The following GALNT14 variants were observed in gnomAD, a reference collection of about 807,000 sequenced individuals.
GALNT14 encodes the protein UDP-GalNAc:polypeptide N-acetylgalactosaminyltransferase 14.
In GALNT14, 60 loss-of-function variants were observed where a neutral mutation model predicts 77.5. The observed-to-expected ratio is 0.77, with a 90% CI of 0.63 to 0.96. The LOEUF is 0.96. Among genes scored for constraint, GALNT14 ranks in the 40% least tolerant of loss-of-function variants. The probability of loss-of-function intolerance (pLI) is 0.00; values close to 1 mark genes in which losing one functional copy is unlikely to be tolerated. For missense variants in GALNT14, 710 were observed against 731.0 expected (o/e 0.97, Z 0.33); for synonymous variants, 280 against 281.7 (o/e 0.99, Z 0.06).
intron 1 of GALNT14, among the ~76,000 whole-genome samples, chr2:31,117,119 T>G (rs1158310025): frequency 6.6e-6 from 1 of 152,142 alleles, no homozygotes; most frequent in Non-Finnish European, 1.5e-5. Flanking sequence ...GATTATGTAA[T>G]TGGCCATTAA....
At chr2:30,913,556 G>A (rs1251180759) in intron 13 of GALNT14, among the ~76,000 whole-genome samples, 2 of 152,120 alleles carry the variant, frequency 1.3e-5, no homozygotes, top group African/African-American at 4.8e-5. Flanking sequence ...TGTTTTCTGG[G>A]ACCTGGGTGG....
chr2:30,928,724 C>T (rs1665538895), intron 11 of GALNT14, among the ~76,000 whole-genome samples: 1 of 152,160 alleles, frequency 6.6e-6, no homozygotes, highest in Non-Finnish European at 1.5e-5. Context: ...TCAAGCGATT[C>T]TCCTGCCTCA....
chr2:30,972,088 T>G (rs1286744447), intron 2 of GALNT14, among the ~76,000 whole-genome samples: 1 of 152,184 alleles, frequency 6.6e-6, no homozygotes, highest in African/African-American at 2.4e-5. Context: ...ATTAGAAACA[T>G]TCAGGATTTT....
At chr2:30,977,822 C>A (rs1367860590) in intron 2 of GALNT14, among the ~76,000 whole-genome samples, 1 of 152,192 alleles carries the variant, frequency 6.6e-6, no homozygotes, top group Non-Finnish European at 1.5e-5. Context: ...TCAATCCACC[C>A]CTGAGCCAAT....
intron 1 of GALNT14, among the ~76,000 whole-genome samples, chr2:31,128,064 A>G (rs1042597058): frequency 6.6e-6 from 1 of 152,198 alleles, no homozygotes; most frequent in African/African-American, 2.4e-5. Context: ...CCATGGGCCC[A>G]GGAGCTTACT....
chr2:30,910,848 T>C lies in GALNT14; in HGVS notation c.*53A>G. The C allele has an allele frequency of 6.3e-7, 1 of 1,592,450 alleles. No individual in the cohort carries two copies. Among genetic ancestry groups the C allele is most frequent in the Non-Finnish European group, 8.6e-7 (1 of 1,168,786 alleles). On this transcript the variant is annotated 3_prime_UTR_variant, in exon 15 of 15. Transcript: ENST00000349752. The stretch of plus-strand genomic sequence containing the variant: ...GCTTGCTGCCCAGTTTCCAGTCTGT[T>C]CTGGTCCAGGGAAGCACCACCCCAT...
chr2:30,897,216 CGTT>C, the GALNT14 span, among the ~76,000 whole-genome samples: 1 of 152,118 alleles, frequency 6.6e-6, no homozygotes, highest in African/African-American at 2.4e-5. Flanking sequence ...CTTGTGCTCC[CGTT>C]GTTCTTACCT....
At chr2:31,129,417 T>C (rs769254025) in intron 1 of GALNT14, 8 of 985,352 alleles carry the variant, frequency 8.1e-6, no homozygotes, top group Non-Finnish European at 9.6e-6. Flanking sequence ...TAGTAAAGTC[T>C]TTCAGCTAGC....
At chr2:30,986,114 A>G (rs532980628) in intron 2 of GALNT14, among the ~76,000 whole-genome samples, 1 of 152,266 alleles carries the variant, frequency 6.6e-6, no homozygotes, top group South Asian at 2.1e-4. Flanking sequence ...GGGATGTATC[A>G]AAGTGTAGAA....
chr2:31,108,533 C>T (rs777074261), intron 1 of GALNT14, among the ~76,000 whole-genome samples: 4 of 152,270 alleles, frequency 2.6e-5, no homozygotes, highest in Admixed American at 2.6e-4. Flanking sequence ...CTATGCTACT[C>T]CTTCAAGGAA....
At chr2:31,087,530 G>A (rs1028137429) in intron 1 of GALNT14, among the ~76,000 whole-genome samples, 39 of 152,120 alleles carry the variant, frequency 2.6e-4, no homozygotes, top group Non-Finnish European at 4.3e-4. Context: ...GAGAGGCGAG[G>A]AGAGGAAGAC....
chr2:31,013,417 A>C (rs1671158007), intron 1 of GALNT14, among the ~76,000 whole-genome samples: 1 of 152,190 alleles, frequency 6.6e-6, no homozygotes, highest in South Asian at 2.1e-4. Context: ...AGAAATCATC[A>C]AGCACCCAGG....
chr2:30,963,511 C>T (rs1667816008), intron 3 of GALNT14, among the ~76,000 whole-genome samples: 1 of 152,158 alleles, frequency 6.6e-6, no homozygotes, highest in Non-Finnish European at 1.5e-5. Flanking sequence ...AGTCTGAGCA[C>T]AGCAGCTAAG....
At chr2:30,996,456 T>G (rs1670036245) in intron 1 of GALNT14, among the ~76,000 whole-genome samples, 4 of 152,188 alleles carry the variant, frequency 2.6e-5, no homozygotes. Context: ...GGGGCCTGCC[T>G]AGTGGGTCAT....
intron 1 of GALNT14, among the ~76,000 whole-genome samples, chr2:31,127,024 C>T (rs529966855): frequency 2.6e-5 from 4 of 152,312 alleles, no homozygotes; most frequent in South Asian, 2.1e-4. Context: ...AGGAGCCACA[C>T]ACTCAGTTCA....
intron 1 of GALNT14, among the ~76,000 whole-genome samples, chr2:31,048,243 T>C (rs890140313): frequency 2.0e-5 from 3 of 152,232 alleles, no homozygotes; most frequent in African/African-American, 7.2e-5. Context: ...ATTGGTGGTA[T>C]AGGGGTAGGA....
At position 31,058,978 on chromosome 2, in the gene GALNT14, G is replaced by A. The variant is rs550566839; in HGVS notation, c.130-65971C>T. On this transcript the variant is annotated intron_variant, in intron 1 of 14. Coordinates refer to ENST00000349752, the MANE Select transcript of GALNT14 (RefSeq NM_024572.4). ...CCTTCAGTAGTTTTAGGCTAGAGAG[G>A]CCCTTCCACTGAGAAACAGAAAAGG... 8.1e-4 allele frequency among the ~76,000 whole-genome samples: 124 copies of A among 152,254 alleles called. 1 individual carries two copies. Among genetic ancestry groups the A allele is most frequent in the African/African-American group, 2.9e-3 (119 of 41,546 alleles).
chr2:31,071,639 T>C (rs1675374525), intron 1 of GALNT14, among the ~76,000 whole-genome samples: 1 of 152,042 alleles, frequency 6.6e-6, no homozygotes, highest in Non-Finnish European at 1.5e-5. Context: ...GCTCACCTGG[T>C]CCCAGGAATC....
At chr2:31,072,738 G>A (rs1484480443) in intron 1 of GALNT14, among the ~76,000 whole-genome samples, 16 of 152,092 alleles carry the variant, frequency 1.1e-4, no homozygotes, top group Non-Finnish European at 7.4e-5. Context: ...GAACTATGCA[G>A]ACTAGGGCAC....
Sources: gnomAD v4.1 joint callset for allele counts (sites outside exome capture counted in the v4.1 genomes callset) on GRCh38, gnomAD v4.1.1 for gene constraint, MANE v1.5 for transcripts, NCBI Gene and HGNC (gene_info 2026-07-23, HGNC 2026-07-21) for gene names.